Variants in CNTN4 observed in about 807,000 individuals in gnomAD.
CNTN4 encodes the protein contactin-4.
CNTN4 carries 77 observed loss-of-function variants against 122.5 expected under a neutral mutation model. The observed-to-expected ratio is 0.63, with a 90% CI of 0.52 to 0.76. CNTN4 has a LOEUF of 0.76. CNTN4 is among the 30% of genes least tolerant of loss of function. The probability of loss-of-function intolerance (pLI) is 0.00; values close to 1 mark genes in which losing one functional copy is unlikely to be tolerated. For missense variants in CNTN4, 1,256 were observed against 1,259.1 expected, an observed-to-expected ratio of 1.00 and a Z score of 0.04; for synonymous variants, 512 against 447.0, an observed-to-expected ratio of 1.15 and a Z score of -1.83.
intron 3 of CNTN4, among the ~76,000 whole-genome samples, chr3:2,521,243 T>C (rs1217305639): frequency 1.3e-5 from 2 of 152,082 alleles, no homozygotes; most frequent in Non-Finnish European, 2.9e-5. Context: ...AGGCAAACTC[T>C]TATTTGTTTG....
chr3:2,568,642 C>T lies in CNTN4; in HGVS notation c.-88-2774C>T, dbSNP rs143241875. ...CTTCGTATCCTGCACCAGAGTCCCA[C>T]GTGAGATTCATGAATCTTCAGCTCC... On this transcript the variant is annotated intron_variant, in intron 3 of 24. Transcript: ENST00000418658. 5.2e-3 allele frequency among the ~76,000 whole-genome samples: 796 copies of T among 152,262 alleles called. 10 individuals carry two copies. Among genetic ancestry groups the T allele is most frequent in the African/African-American group, 0.018 (758 of 41,548 alleles).
intron 4 of CNTN4, among the ~76,000 whole-genome samples, chr3:2,721,013 A>C (rs1379771491): frequency 6.6e-6 from 1 of 151,868 alleles, no homozygotes; most frequent in African/African-American, 2.4e-5. Context: ...TGCTCTGTTG[A>C]CCAGGCTGGA....
rs1471968263 is a variant in CNTN4 at position 2,709,105 on chromosome 3, A to G, written c.56-27110A>G. ...AATTTCATTTAGACCTCGGTGGCTG[A>G]GTTTTTAAGCTAGATCGTTACAAAT... On this transcript the variant is annotated intron_variant, in intron 4 of 24. Transcript: ENST00000418658. This position sits in a 1 kb window ranked among gnomAD's most constrained non-coding sequence, Gnocchi z 5.0. 6.6e-6 allele frequency among the ~76,000 whole-genome samples: 1 copy of G among 152,134 alleles called. No homozygotes were observed. Among genetic ancestry groups the G allele is most frequent in the East Asian group, 1.9e-4 (1 of 5,196 alleles).
intron 14 of CNTN4, among the ~76,000 whole-genome samples, chr3:3,003,715 C>CAAAACAAAAA (rs1696301761): frequency 2.4e-5 from 2 of 84,806 alleles, no homozygotes; most frequent in African/African-American, 7.2e-5. Flanking sequence ...AAAAAAAAAA[C>CAAAACAAAAA]AAAAAAACCC....
chr3:2,571,473 T>G lies in CNTN4; in HGVS notation c.-31T>G. On this transcript the variant is annotated 5_prime_UTR_variant, in exon 4 of 25. Coordinates refer to ENST00000418658, the MANE Select transcript of CNTN4 (RefSeq NM_175607.3). ...CAATTCTATTCGCTTGTTATTGGAC[T>G]TGAAACTCCCTTTGACCTCGGAAAC... The G allele has an allele frequency of 4.4e-6, 7 of 1,574,434 alleles. No individual in the cohort carries two copies. The highest frequency in any genetic ancestry group is 6.1e-6 in the Non-Finnish European group (7 of 1,143,874).
intron 7 of CNTN4, among the ~76,000 whole-genome samples, chr3:2,864,282 TTTG>T (rs923118214): frequency 3.3e-5 from 5 of 152,094 alleles, no homozygotes; most frequent in African/African-American, 7.2e-5. Flanking sequence ...TTAGTCTTAC[TTTG>T]TTGTTGTTGT....
At chr3:2,170,188 G>C (rs1294846948) in intron 2 of CNTN4, among the ~76,000 whole-genome samples, 3 of 146,638 alleles carry the variant, frequency 2.0e-5, no homozygotes, top group Non-Finnish European at 3.0e-5. Flanking sequence ...GGGCGTGGTG[G>C]CGGCGCCTGT....
intron 2 of CNTN4, among the ~76,000 whole-genome samples, chr3:2,109,949 A>G (rs538161982): frequency 4.5e-4 from 68 of 152,386 alleles, no homozygotes; most frequent in African/African-American, 1.4e-3. Context: ...GTAAAAAATT[A>G]TAGTACAAAC....
chr3:2,627,898 G>A (rs2150005871), intron 4 of CNTN4, among the ~76,000 whole-genome samples: 1 of 152,276 alleles, frequency 6.6e-6, no homozygotes, highest in East Asian at 1.9e-4. Flanking sequence ...TTTAATTGAA[G>A]ATATTCATTT....
chr3:2,926,663 G>A (rs1012157546), intron 13 of CNTN4, among the ~76,000 whole-genome samples: 5 of 152,120 alleles, frequency 3.3e-5, no homozygotes, highest in South Asian at 2.1e-4. Context: ...AAATGTGTAC[G>A]TATCTACCCT....
rs902727976 is a variant in CNTN4 at position 2,931,749 on chromosome 3, C to A, written c.1358+5970C>A. Among the ~76,000 whole-genome samples the A allele has an allele frequency of 7.9e-5, 12 of 152,128 alleles. No homozygotes were observed. The East Asian group carries it at 2.3e-3, about 29-fold the overall frequency. On this transcript the variant is annotated intron_variant, in intron 13 of 24. Transcript: ENST00000418658. Reference sequence around the variant, plus strand: ...GCAAAAGCGATCCTCCCACCTCAGCCCCCTGAGAAGCTGTGATCACAGGCA... The same window carrying A: ...GCAAAAGCGATCCTCCCACCTCAGCACCCTGAGAAGCTGTGATCACAGGCA...
At chr3:2,762,316 T>C (rs896800722) in intron 6 of CNTN4, among the ~76,000 whole-genome samples, 1 of 152,220 alleles carries the variant, frequency 6.6e-6, no homozygotes, top group Non-Finnish European at 1.5e-5. Context: ...AGCCCAGATA[T>C]TAAGCATAGT....
At chr3:3,023,974 G>A (rs1698507849) in intron 14 of CNTN4, among the ~76,000 whole-genome samples, 1 of 152,074 alleles carries the variant, frequency 6.6e-6, no homozygotes, top group Admixed American at 6.5e-5. Context: ...TGTTAAATAG[G>A]GATGATAATA....
chr3:2,497,794 T>G (rs1300186959), intron 3 of CNTN4, among the ~76,000 whole-genome samples: 2 of 152,224 alleles, frequency 1.3e-5, no homozygotes, highest in Non-Finnish European at 2.9e-5. Flanking sequence ...TTGAATTTAC[T>G]TATCAATTAC....
chr3:2,332,371 TAA>T (rs2043766167), intron 2 of CNTN4, among the ~76,000 whole-genome samples: 2 of 152,168 alleles, frequency 1.3e-5, no homozygotes. Context: ...AGCTGACAGA[TAA>T]AGAGTCTTTT....
intron 3 of CNTN4, among the ~76,000 whole-genome samples, chr3:2,474,140 A>G (rs2151524841): frequency 6.6e-6 from 1 of 152,158 alleles, no homozygotes; most frequent in South Asian, 2.1e-4. Flanking sequence ...GCCTGCCTTA[A>G]CTTTGTTTAG....
intron 2 of CNTN4, among the ~76,000 whole-genome samples, chr3:2,191,725 T>C (rs3077083): frequency 0.045 from 2,734 of 61,092 alleles, 34 homozygotes; most frequent in Middle Eastern, 0.13. Context: ...CACACACACA[T>C]ACACACACAT....
At chr3:2,954,268 A>G (rs1319531896) in intron 13 of CNTN4, among the ~76,000 whole-genome samples, 1 of 152,164 alleles carries the variant, frequency 6.6e-6, no homozygotes, top group Non-Finnish European at 1.5e-5. Flanking sequence ...AACTTCACCA[A>G]AATGAACAAG....
At chr3:2,712,032 T>G (rs985256977) in intron 4 of CNTN4, among the ~76,000 whole-genome samples, 1 of 152,216 alleles carries the variant, frequency 6.6e-6, no homozygotes, top group African/African-American at 2.4e-5. Context: ...TCATCTACTC[T>G]GGCTGCTAAT....
Sources: gnomAD v4.1 joint callset for allele counts (sites outside exome capture counted in the v4.1 genomes callset) on GRCh38, gnomAD v4.1.1 for gene constraint, Gnocchi (gnomAD v3.1) non-coding constraint, MANE v1.5 for transcripts, NCBI Gene and HGNC (gene_info 2026-07-23, HGNC 2026-07-21) for gene names.